Variants in WIZ observed in about 807,000 individuals in gnomAD.
WIZ encodes protein Wiz.
A neutral mutation model predicts 140.2 loss-of-function variants in WIZ; 25 were observed. The ratio of observed to expected loss-of-function variants is 0.18; its 90% CI spans 0.13 to 0.25. The LOEUF (loss-of-function observed/expected upper bound fraction) is 0.25, where lower values mean the gene tolerates loss of function less well. Among genes scored for constraint, WIZ ranks in the 10% least tolerant of loss-of-function variants. The pLI is 1.00. For synonymous variants in WIZ, 1,125 were observed against 1,154.3 expected, an observed-to-expected ratio of 0.97 and a Z score of 0.51; for missense variants, 2,231 against 2,632.6, an observed-to-expected ratio of 0.85 and a Z score of 3.34.
At chr19:15,448,642 G>A (rs1970002596) in intron 1 of WIZ, among the ~76,000 whole-genome samples, 1 of 151,926 alleles carries the variant, frequency 6.6e-6, no homozygotes, top group Non-Finnish European at 1.5e-5. Context: ...TGCACACTCA[G>A]CCACCTGGTC....
rs1329602365 is a variant in WIZ, at chr19:15,425,762, C to T, written c.4373G>A (p.Arg1458Gln). 27 of 1,533,850 alleles carry T rather than the reference C, an allele frequency of 1.8e-5. No individual in the cohort carries two copies. Among genetic ancestry groups the T allele is most frequent in the South Asian group, 6.9e-5 (6 of 87,570 alleles). Residue 1458 changes from arginine (R) to glutamine (Q), a missense_variant, in exon 10 of 13, where the codon CGG becomes CAG. Physicochemically the swap from Arg to Gln is conservative, Grantham distance 43. Coordinates refer to ENST00000673675, the MANE Select transcript of WIZ (RefSeq NM_001371589.1). ...GCGGATGTCGCGCACCGGCTCTGCC[C>T]GGGACGCTGCAGGGGATCCAGGGTA... Reference protein sequence around the residue: ...EDMTPLNLSSRAEPVRDIRCE... With the variant: ...EDMTPLNLSSQAEPVRDIRCE...
chr19:15,427,250 G>C lies in WIZ; in HGVS notation c.4098C>G (p.Pro1366=). 1.2e-6 allele frequency: 2 copies of C among 1,613,860 alleles called. No homozygotes were observed. Among genetic ancestry groups the C allele is most frequent in the Non-Finnish European group, 1.7e-6 (2 of 1,180,020 alleles). ...GPGSSLEARS[P]SDLHISPLAK... Reference sequence around the variant, plus strand: ...CCAAGGGTGAGATGTGAAGGTCCGAGGGGCTGCGGGCTTCCAGTGAGCTGC... The same window carrying C: ...CCAAGGGTGAGATGTGAAGGTCCGACGGGCTGCGGGCTTCCAGTGAGCTGC... The change falls in exon 9 of 13, where the codon CCC becomes CCG. Residue 1366 remains proline, a synonymous_variant. Coordinates refer to ENST00000673675, the MANE Select transcript of WIZ (RefSeq NM_001371589.1). This position sits in a 1 kb window ranked among gnomAD's most constrained non-coding sequence, Gnocchi z 6.4.
chr19:15,436,652 A>T (rs1969524093), intron 5 of WIZ, 154 bp downstream of exon 5: 1 of 717,280 alleles, frequency 1.4e-6, no homozygotes, highest in East Asian at 3.3e-5. Flanking sequence ...CCTAAATAGC[A>T]GGGTGGTTGT....
chr19:15,432,191 G>A (rs1016507709), intron 5 of WIZ, among the ~76,000 whole-genome samples: 2 of 152,072 alleles, frequency 1.3e-5, no homozygotes, highest in African/African-American at 4.8e-5. Flanking sequence ...GGACGCTCCC[G>A]GGGCTCCAAA....
rs767254218 is a variant in WIZ, at chr19:15,448,234, G to A, written c.74C>T (p.Ala25Val). The A allele has an allele frequency of 2.2e-5, 35 of 1,613,338 alleles. No homozygotes were observed. Among genetic ancestry groups the A allele is most frequent in the Admixed American group, 5.0e-5 (3 of 59,940 alleles). Residue 25 changes from alanine to valine, a missense_variant, in exon 2 of 13, where the codon GCG becomes GTG. Ala to Val is a moderately conservative substitution (Grantham distance 64). Transcript: ENST00000673675. ...CCCACCCTCGATGTTCTCCCTTGGC[G>A]CCGGGCCAGGCAGTCTCTCTGGGCC... ...PQGPERLPGP[A>V]PRENIEGGAE...
chr19:15,448,231 G>A lies in WIZ; in HGVS notation c.77C>T (p.Pro26Leu), dbSNP rs1033466712. ...QGPERLPGPAPRENIEGGAEA... is the reference protein window; with the variant it reads ...QGPERLPGPALRENIEGGAEA... ...GGCCCCACCCTCGATGTTCTCCCTT[G>A]GCGCCGGGCCAGGCAGTCTCTCTGG... The change falls in exon 2 of 13, where the codon CCA becomes CTA. Residue 26 changes from proline to leucine, a missense_variant. Physicochemically the swap from Pro to Leu is moderately conservative, Grantham distance 98 (BLOSUM62 -3). Around this residue, in one of 15 missense-constraint regions of WIZ, gnomAD observed 85 missense variants for 90.9 expected, o/e 0.94. Transcript: ENST00000673675. 6.2e-6 allele frequency: 10 copies of A among 1,613,486 alleles called. No individual in the cohort carries two copies. The highest frequency in any genetic ancestry group is 4.0e-5 in the African/African-American group (3 of 74,894).
chr19:15,429,484 G>GCCCCCACCCCCCCC, intron 7 of WIZ, 102 bp downstream of exon 7: 1 of 319,064 alleles, frequency 3.1e-6, no homozygotes, highest in Non-Finnish European at 5.4e-6. Context: ...AGTCCCCACC[G>GCCCCCACCCCCCCC]CCCCCACCCA....
chr19:15,420,765 TA>T lies in WIZ; in HGVS notation c.*2310del, dbSNP rs1968338721. 1.3e-5 allele frequency: 2 copies of T among 152,370 alleles called. No homozygotes were observed. The highest frequency in any genetic ancestry group is 3.9e-4 in the East Asian group (2 of 5,192). 9.4% of individuals were successfully genotyped at this position (152,370 alleles called of 1,614,324 possible). A position where few individuals can be genotyped will look rare whatever the true frequency, so the allele number is the denominator to read the frequency against. On this transcript the variant is annotated 3_prime_UTR_variant, in exon 13 of 13. Coordinates refer to ENST00000673675, the MANE Select transcript of WIZ (RefSeq NM_001371589.1). ...TGGGGAGGAACTTGCCATATGACTT[TA>T]TAAGCTCTTGTATCATTTGACTGTT...
intron 4 of WIZ, 76 bp downstream of exon 4, chr19:15,438,502 A>G: frequency 7.1e-7 from 1 of 1,407,328 alleles, no homozygotes. Context: ...GCTTGGCGCT[A>G]AGGGAGAGAA....
chr19:15,436,730 C>T, intron 5 of WIZ, 76 bp downstream of exon 5: 1 of 1,414,582 alleles, frequency 7.1e-7, no homozygotes, highest in Non-Finnish European at 9.3e-7. Context: ...GCGGCTGCCC[C>T]TCCAGCCCCG....
chr19:15,431,730 C>T (rs1386493548), intron 5 of WIZ, among the ~76,000 whole-genome samples: 1 of 152,228 alleles, frequency 6.6e-6, no homozygotes, highest in African/African-American at 2.4e-5. Context: ...AAGCTGGGCC[C>T]TAAGTGGGGT....
chr19:15,449,254 C>T (rs759471558), intron 1 of WIZ, among the ~76,000 whole-genome samples: 86 of 151,950 alleles, frequency 5.7e-4, no homozygotes, highest in Non-Finnish European at 8.7e-4. Flanking sequence ...GCAACCGGGG[C>T]GGGGCCGGGG....
At chr19:15,434,148 C>A (rs1452636246) in intron 5 of WIZ, among the ~76,000 whole-genome samples, 1 of 151,598 alleles carries the variant, frequency 6.6e-6, no homozygotes, top group Non-Finnish European at 1.5e-5. Context: ...ATCCCAGCTA[C>A]TTGGGAGGCT....
chr19:15,431,866 G>A (rs1220437439), intron 5 of WIZ, among the ~76,000 whole-genome samples: 2 of 152,216 alleles, frequency 1.3e-5, no homozygotes, highest in South Asian at 2.1e-4. Flanking sequence ...TGTGGCAGAG[G>A]GAACCAAGGG....
Position 15,422,338 on chromosome 19 carries a change from G to C in WIZ, c.*738C>G, listed in dbSNP as rs1355869935. 1 of 152,258 alleles carries C rather than the reference G, an allele frequency of 6.6e-6. No homozygotes were observed. Among genetic ancestry groups the C allele is most frequent in the Non-Finnish European group, 1.5e-5 (1 of 68,104 alleles). 9.4% of individuals were successfully genotyped at this position (152,258 alleles called of 1,614,324 possible). ...AGGGAGAGGGAGCAGGAGTGGGGGAGGAGAGTCCCACCCCCCAACCCCACC... is the reference window on the plus strand; with the variant it reads ...AGGGAGAGGGAGCAGGAGTGGGGGACGAGAGTCCCACCCCCCAACCCCACC... On this transcript the variant is annotated 3_prime_UTR_variant, in exon 13 of 13. Transcript: ENST00000673675.
In WIZ at chr19:15,439,954, G is replaced by A. The variant is rs778472155; in HGVS notation, c.1040C>T (p.Ala347Val). ...HRRAPGQEPP[A>V]DLAPLACGEC... The stretch of plus-strand genomic sequence containing the variant: ...CCCGCAGGCCAGCGGGGCCAGGTCC[G>A]CAGGGGGCTCCTGGCCCGGGGCTCG... The change falls in exon 4 of 13, where the codon GCG becomes GTG. Residue 347 changes from alanine to valine, a missense_variant. Physicochemically the swap from Ala to Val is moderately conservative, Grantham distance 64 (BLOSUM62 0). This residue lies in a region of WIZ where 475 missense variants were observed against 520.2 expected (regional missense o/e 0.91). Coordinates refer to ENST00000673675, the MANE Select transcript of WIZ (RefSeq NM_001371589.1). This position sits in a 1 kb window ranked among gnomAD's most constrained non-coding sequence, Gnocchi z 7.0. 22 of 1,535,302 alleles carry A rather than the reference G, an allele frequency of 1.4e-5. No individual in the cohort carries two copies. Among genetic ancestry groups the A allele is most frequent in the Middle Eastern group, 1.7e-4 (1 of 6,010 alleles).
At position 15,422,486 on chromosome 19, in the gene WIZ, G is replaced by A. The variant is rs775315783; in HGVS notation, c.*590C>T. 2.0e-5 allele frequency: 3 copies of A among 152,270 alleles called. No homozygotes were observed. The highest frequency in any genetic ancestry group is 1.9e-4 in the East Asian group (1 of 5,142). The allele number at this position is 152,270 out of a possible 1,614,324, so 9.4% of individuals were successfully genotyped here. On this transcript the variant is annotated 3_prime_UTR_variant, in exon 13 of 13. Transcript: ENST00000673675. ...TCGGGGGCAGCCAACAAGGATTTCCGTGGCATTGTGGGCTCAGTGGGGGGC... is the reference window on the plus strand; with the variant it reads ...TCGGGGGCAGCCAACAAGGATTTCCATGGCATTGTGGGCTCAGTGGGGGGC...
rs1411479386 is a variant in WIZ at position 15,428,671 on chromosome 19, T to C, written c.3416-163A>G. 2.6e-5 allele frequency among the ~76,000 whole-genome samples: 4 copies of C among 152,178 alleles called. No individual in the cohort carries two copies. Among genetic ancestry groups the C allele is most frequent in the Non-Finnish European group, 4.4e-5 (3 of 68,024 alleles). ...GAAGTTTGGGAAGCAGGACATCCTG[T>C]TTCCTGCCTAGCCCTTTGGCATCGA... On this transcript the variant is annotated intron_variant, in intron 7 of 12. Transcript: ENST00000673675. This position sits in a 1 kb window ranked among gnomAD's most constrained non-coding sequence, Gnocchi z 6.4.
intron 7 of WIZ, 46 bp downstream of exon 7, chr19:15,429,540 C>A: frequency 1.5e-6 from 2 of 1,328,872 alleles, no homozygotes; most frequent in South Asian, 4.5e-5. Context: ...AGGTCCCGAC[C>A]CTCCCAGCGC....
Sources: gnomAD v4.1 joint callset for allele counts (sites outside exome capture counted in the v4.1 genomes callset) on GRCh38, gnomAD v4.1.1 for gene constraint, gnomAD v4.1.1 regional missense constraint, Gnocchi (gnomAD v3.1) non-coding constraint, MANE v1.5 for transcripts, NCBI Gene and HGNC (gene_info 2026-07-23, HGNC 2026-07-21) for gene names.